The following SHISA6 variants were observed in gnomAD, a reference collection of about 807,000 sequenced individuals.
SHISA6 encodes the protein protein shisa-6.
Under a neutral mutation model 47.9 loss-of-function variants are expected in SHISA6, and 22 were observed. The observed-to-expected ratio is 0.46, with a 90% confidence interval of 0.33 to 0.66. SHISA6 has a LOEUF of 0.66. SHISA6 is among the 30% of genes least tolerant of loss of function. The probability of loss-of-function intolerance (pLI) is 0.02; values close to 1 mark genes in which losing one functional copy is unlikely to be tolerated. For synonymous variants in SHISA6, 388 were observed against 337.8 expected (o/e 1.15, Z -1.63); for missense variants, 680 against 764.6 (o/e 0.89, Z 1.30).
At chr17:11,322,237 C>CT (rs879591617) in intron 2 of SHISA6, among the ~76,000 whole-genome samples, 17 of 151,726 alleles carry the variant, frequency 1.1e-4, no homozygotes, top group South Asian at 4.2e-4. Context: ...ATTGTTTCAC[C>CT]TTTTTTTTCA....
At chr17:11,387,913 G>A (rs1468218618) in intron 3 of SHISA6, among the ~76,000 whole-genome samples, 7 of 152,132 alleles carry the variant, frequency 4.6e-5, no homozygotes, top group African/African-American at 1.4e-4. Context: ...TCCAGGGGCC[G>A]TGCTCACCAC....
intron 3 of SHISA6, among the ~76,000 whole-genome samples, chr17:11,539,916 A>G (rs2071819048): frequency 6.6e-6 from 1 of 152,238 alleles, no homozygotes. Flanking sequence ...TGATCAGTTG[A>G]TAAGTCCAGA....
intron 3 of SHISA6, among the ~76,000 whole-genome samples, chr17:11,456,076 T>C (rs1254751986): frequency 3.3e-5 from 5 of 152,212 alleles, no homozygotes; most frequent in Non-Finnish European, 7.3e-5. Context: ...AACCCATCGC[T>C]TTACCTTTCC....
Position 11,379,247 on chromosome 17 carries a change from T to C in SHISA6, c.800-167T>C, listed in dbSNP as rs183809445. On this transcript the variant is annotated intron_variant, in intron 2 of 5. Transcript: ENST00000441885. ...ATATATATATTTTTCATATATAATATATATTTTATATGTATGTGTATATAT... is the reference window on the plus strand; with the variant it reads ...ATATATATATTTTTCATATATAATACATATTTTATATGTATGTGTATATAT... Among the ~76,000 whole-genome samples, 124 of 148,912 alleles carry C rather than the reference T, an allele frequency of 8.3e-4. 1 individual carries two copies. The highest frequency in any genetic ancestry group is 3.0e-3 in the African/African-American group (121 of 40,966).
chr17:11,249,467 A>T (rs1178413930), intron 1 of SHISA6, among the ~76,000 whole-genome samples: 1 of 152,184 alleles, frequency 6.6e-6, no homozygotes, highest in East Asian at 1.9e-4. Flanking sequence ...ACTGCAGGCT[A>T]ATCAAGCTGG....
Position 11,423,215 on chromosome 17 carries a change from ATGTGTG to A in SHISA6, c.895+43726_895+43731del, listed in dbSNP as rs140387181. 3.3e-4 allele frequency among the ~76,000 whole-genome samples: 45 copies of A among 135,704 alleles called. 1 individual carries two copies. Among genetic ancestry groups the A allele is most frequent in the Middle Eastern group, 3.6e-3 (1 of 274 alleles). The allele number at this position is 135,704 out of a possible 152,430, so 89.0% of individuals were successfully genotyped here. On this transcript the variant is annotated intron_variant, in intron 3 of 5. Coordinates refer to ENST00000441885, the MANE Select transcript of SHISA6 (RefSeq NM_207386.4). The stretch of plus-strand genomic sequence containing the variant: ...TTGCATTTCTGTGTAACATATATGT[ATGTGTG>A]TGTGTGTGTGTGTGTGTGTATATAT...
intron 2 of SHISA6, among the ~76,000 whole-genome samples, chr17:11,279,813 A>G (rs62062015): frequency 2.2e-5 from 1 of 45,082 alleles, no homozygotes; most frequent in East Asian, 7.9e-4. Context: ...GAGAGAGAGA[A>G]AGAGGGAGAG....
intron 3 of SHISA6, among the ~76,000 whole-genome samples, chr17:11,546,687 G>A (rs754404042): frequency 8.5e-5 from 13 of 152,128 alleles, no homozygotes; most frequent in Non-Finnish European, 1.8e-4. Context: ...TTGGGAGGCC[G>A]GGCGGGTTGA....
At chr17:11,461,887 TC>T (rs1915700433) in intron 3 of SHISA6, among the ~76,000 whole-genome samples, 1 of 152,090 alleles carries the variant, frequency 6.6e-6, no homozygotes, top group African/African-American at 2.4e-5. Flanking sequence ...GGAGGGGTAT[TC>T]CCTCCTAGGT....
chr17:11,553,701 A>G (rs2071950237), intron 4 of SHISA6, among the ~76,000 whole-genome samples: 1 of 152,318 alleles, frequency 6.6e-6, no homozygotes, highest in South Asian at 2.1e-4. Flanking sequence ...GCCAAGCACT[A>G]TGAAGGATTC....
intron 3 of SHISA6, among the ~76,000 whole-genome samples, chr17:11,428,532 A>T (rs1914661781): frequency 6.6e-6 from 1 of 152,250 alleles, no homozygotes; most frequent in South Asian, 2.1e-4. Flanking sequence ...ATCTGTGGCT[A>T]CGGCGCTAAG....
intron 3 of SHISA6, among the ~76,000 whole-genome samples, chr17:11,439,825 C>A (rs1181264775): frequency 6.6e-6 from 1 of 152,160 alleles, no homozygotes; most frequent in African/African-American, 2.4e-5. Context: ...GTGCTTTTAG[C>A]GCTTTGGGGA....
rs565934542 is a variant in SHISA6, at chr17:11,496,032, T to TC, written c.896-55863dup. The stretch of plus-strand genomic sequence containing the variant: ...ATCCATCCATCCATCCATCCATCCA[T>TC]CACACAACAGATTAATGATGGCCTA... On this transcript the variant is annotated intron_variant, in intron 3 of 5. Transcript: ENST00000441885. Among the ~76,000 whole-genome samples the TC allele has an allele frequency of 1.2e-3, 187 of 151,430 alleles. 1 individual carries two copies. Among genetic ancestry groups the TC allele is most frequent in the African/African-American group, 4.4e-3 (182 of 41,154 alleles).
chr17:11,544,054 CAT>C (rs2071859319), intron 3 of SHISA6, among the ~76,000 whole-genome samples: 1 of 149,564 alleles, frequency 6.7e-6, no homozygotes, highest in Admixed American at 6.7e-5. Flanking sequence ...TCTCCTACCT[CAT>C]ATAAAAATTA....
intron 1 of SHISA6, among the ~76,000 whole-genome samples, chr17:11,259,875 C>T (rs2159292): frequency 0.77 from 117,179 of 152,048 alleles, 49,131 homozygotes; most frequent in Non-Finnish European, 0.92. Context: ...GAAGGATGCC[C>T]GGGCTCAAGT....
In SHISA6 at chr17:11,558,167, G is replaced by A. The variant is rs527767172; in HGVS notation, c.1519G>A (p.Ala507Thr). 1.7e-5 allele frequency: 27 copies of A among 1,548,178 alleles called. No homozygotes were observed. The African/African-American group carries it at 2.6e-4, about 15-fold the overall frequency. ...SHPSASNNSY[A>T]TLGQSQTAAK... ...TCCCAGTGCCTCCAATAACTCATACGCCACCCTGGGCCAGAGCCAGACGGC... is the reference window on the plus strand; with the variant it reads ...TCCCAGTGCCTCCAATAACTCATACACCACCCTGGGCCAGAGCCAGACGGC... Residue 507 changes from alanine to threonine, a missense_variant, in exon 6 of 6, where the codon GCC becomes ACC. Coordinates refer to ENST00000441885, the MANE Select transcript of SHISA6 (RefSeq NM_207386.4).
intron 2 of SHISA6, among the ~76,000 whole-genome samples, chr17:11,326,516 G>A (rs955316779): frequency 2.6e-5 from 4 of 152,166 alleles, no homozygotes; most frequent in African/African-American, 9.7e-5. Flanking sequence ...CAGAAACAGA[G>A]CAGTCTTGGG....
chr17:11,371,265 C>G (rs923611996), intron 2 of SHISA6, among the ~76,000 whole-genome samples: 6 of 152,180 alleles, frequency 3.9e-5, no homozygotes, highest in African/African-American at 1.4e-4. Flanking sequence ...TCCCAGCCCC[C>G]TTCTCATTGT....
intron 3 of SHISA6, among the ~76,000 whole-genome samples, chr17:11,505,773 AC>A (rs1446761073): frequency 2.0e-5 from 3 of 152,260 alleles, no homozygotes; most frequent in African/African-American, 4.8e-5. Flanking sequence ...AAAACTGAGT[AC>A]CTTCTTTGTG....
Sources: allele counts gnomAD v4.1 joint callset (sites outside exome capture counted in the v4.1 genomes callset), GRCh38; gene constraint gnomAD v4.1.1; transcripts MANE v1.5; gene names NCBI Gene and HGNC (gene_info 2026-07-23, HGNC 2026-07-21).